Variants in CCL22 observed in about 807,000 individuals in gnomAD.
The protein encoded by CCL22 is C-C motif chemokine ligand 22.
CCL22 carries 7 observed loss-of-function variants against 7.6 expected under a neutral mutation model. That is an observed-to-expected ratio of 0.92 (90% CI 0.52 to 1.72). The LOEUF (loss-of-function observed/expected upper bound fraction) is 1.72. CCL22 is among the 40% of genes most tolerant of loss of function. CCL22 has a pLI of 0.00. For missense variants in CCL22, 115 were observed against 124.7 expected (o/e 0.92, Z 0.37); for synonymous variants, 55 against 47.2 (o/e 1.17, Z -0.68).
chr16:57,360,128 ACT>A (rs1466538708), intron 1 of CCL22, among the ~76,000 whole-genome samples: 2 of 152,170 alleles, frequency 1.3e-5, no homozygotes, highest in African/African-American at 4.8e-5. Flanking sequence ...TGAAGCTGGT[ACT>A]GTTATTACCC....
intron 1 of CCL22, among the ~76,000 whole-genome samples, chr16:57,359,293 T>C (rs1043497767): frequency 2.6e-5 from 4 of 151,950 alleles, no homozygotes; most frequent in African/African-American, 2.4e-5. Context: ...TTTTAAAATG[T>C]TATTATTATT....
At chr16:57,360,402 C>T in intron 1 of CCL22, 35 bp from the exon 2 acceptor site, 1 of 1,613,516 alleles carries the variant, frequency 6.2e-7, no homozygotes, top group Non-Finnish European at 8.5e-7. Context: ...TCTCTGGGCT[C>T]CAGCTTGTGA....
intron 2 of CCL22, among the ~76,000 whole-genome samples, chr16:57,362,995 T>C (rs1199504835): frequency 6.6e-6 from 1 of 151,678 alleles, no homozygotes; most frequent in African/African-American, 2.4e-5. Context: ...TGCCTCTTCC[T>C]CTTTTTTTTT....
rs1304743842 is a variant in CCL22 at position 57,363,576 on chromosome 16, G to A, written c.270G>A (p.Lys90=). Residue 90 remains lysine (K), a synonymous_variant, in exon 3 of 3, where the codon AAG becomes AAA. Coordinates refer to ENST00000219235, the MANE Select transcript of CCL22 (RefSeq NM_002990.5). ...RVPWVKMILN[K]LSQ The stretch of plus-strand genomic sequence containing the variant: ...CCTGGGTGAAGATGATTCTCAATAA[G>A]CTGAGCCAATGAAGAGCCTACTCTG... The A allele has an allele frequency of 6.2e-7, 1 of 1,612,506 alleles. No individual in the cohort carries two copies. Among genetic ancestry groups the A allele is most frequent in the East Asian group, 2.2e-5 (1 of 44,880 alleles).
chr16:57,362,844 G>A (rs1198336055), intron 2 of CCL22, among the ~76,000 whole-genome samples: 1 of 149,868 alleles, frequency 6.7e-6, no homozygotes, highest in East Asian at 2.0e-4. Context: ...CTGGGTGACA[G>A]AGACTCCATC....
chr16:57,358,358 A>G (rs1597989284), upstream of CCL22, among the ~76,000 whole-genome samples: 1 of 152,220 alleles, frequency 6.6e-6, no homozygotes, highest in African/African-American at 2.4e-5. Flanking sequence ...GCCGTCATTA[A>G]GGGTACAAGA....
rs1164819400 is a variant in CCL22 at position 57,360,417 on chromosome 16, A to G, written c.74-20A>G. The G allele has an allele frequency of 6.2e-7, 1 of 1,613,778 alleles. No homozygotes were observed. The highest frequency in any genetic ancestry group is 8.5e-7 in the Non-Finnish European group (1 of 1,179,916). On this transcript the variant is annotated intron_variant, in intron 1 of 2. Transcript: ENST00000219235. ...TCTCTGGGCTCCAGCTTGTGAATTC[A>G]CTGGGGACCCCTCCCCTAGGCCCCT...
At chr16:57,361,287 C>A (rs969583358) in intron 2 of CCL22, among the ~76,000 whole-genome samples, 1 of 148,810 alleles carries the variant, frequency 6.7e-6, no homozygotes, top group African/African-American at 2.5e-5. Context: ...AAAATGCTCA[C>A]ACCAGAAGTG....
At chr16:57,362,487 A>G (rs556615534) in intron 2 of CCL22, among the ~76,000 whole-genome samples, 51 of 152,182 alleles carry the variant, frequency 3.4e-4, no homozygotes, top group African/African-American at 1.2e-3. Context: ...ATCATATGTG[A>G]TCACTGGATT....
intron 2 of CCL22, among the ~76,000 whole-genome samples, chr16:57,363,275 G>A (rs1466765914): frequency 2.6e-5 from 4 of 152,158 alleles, no homozygotes; most frequent in Non-Finnish European, 2.9e-5. Flanking sequence ...GATTACAGGC[G>A]TGAACTCCTG....
rs377207783 is a variant in CCL22, at chr16:57,358,834, T to A, written c.18T>A (p.Thr6=). 3.1e-6 allele frequency: 5 copies of A among 1,613,740 alleles called. No individual in the cohort carries two copies. The African/African-American group carries it at 6.7e-5, about 22-fold the overall frequency. ...GACAGAGCATGGATCGCCTACAGAC[T>A]GCACTCCTGGTTGTCCTCGTCCTCC... The part of the protein sequence containing the change: MDRLQ[T]ALLVVLVLLA... The change falls in exon 1 of 3, where the codon ACT becomes ACA. Residue 6 remains threonine (T), a synonymous_variant. Coordinates refer to ENST00000219235, the MANE Select transcript of CCL22 (RefSeq NM_002990.5).
At chr16:57,362,864 A>AAAAAC (rs143319109) in intron 2 of CCL22, among the ~76,000 whole-genome samples, 1 of 150,976 alleles carries the variant, frequency 6.6e-6, no homozygotes, top group African/African-American at 2.4e-5. Context: ...CTCAAAAAAT[A>AAAAAC]AAAACAAAAC....
chr16:57,362,690 A>C (rs957196248), intron 2 of CCL22, among the ~76,000 whole-genome samples: 3 of 151,838 alleles, frequency 2.0e-5, no homozygotes, highest in South Asian at 2.1e-4. Flanking sequence ...GTGAAAACCT[A>C]TCTCTACTAA....
At position 57,358,870 on chromosome 16, in the gene CCL22, G is replaced by A. The variant is rs752077614; in HGVS notation, c.54G>A (p.Ala18=). 6.8e-6 allele frequency: 11 copies of A among 1,613,610 alleles called. No individual in the cohort carries two copies. The highest frequency in any genetic ancestry group is 2.2e-5 in the South Asian group (2 of 91,056). ...LLVVLVLLAV[A]LQATEAGPYG... ...TTGTCCTCGTCCTCCTTGCTGTGGC[G>A]CTTCAAGCAACTGAGGCAGGTGAGG... Residue 18 remains alanine, a synonymous_variant, in exon 1 of 3, where the codon GCG becomes GCA. Coordinates refer to ENST00000219235, the MANE Select transcript of CCL22 (RefSeq NM_002990.5).
chr16:57,362,082 G>A lies in CCL22; in HGVS notation c.198-1422G>A, dbSNP rs1028409826. ...ACAATCCTATGCAGTAGGTGCCATC[G>A]TGACCCCCTTTTCACAGGTGAGGAA... is the stretch of plus-strand genomic sequence containing the variant. On this transcript the variant is annotated intron_variant, in intron 2 of 2. Coordinates refer to ENST00000219235, the MANE Select transcript of CCL22 (RefSeq NM_002990.5). Among the ~76,000 whole-genome samples the A allele has an allele frequency of 5.3e-5, 8 of 152,084 alleles. No individual in the cohort carries two copies. In the South Asian group the frequency reaches 6.2e-4, roughly 12 times the overall value.
At chr16:57,362,905 A>G (rs1157948418) in intron 2 of CCL22, among the ~76,000 whole-genome samples, 1 of 151,536 alleles carries the variant, frequency 6.6e-6, no homozygotes, top group Admixed American at 6.6e-5. Context: ...ACAAAACCCA[A>G]CTCTTGGGGA....
In CCL22 at chr16:57,364,232, C is replaced by T. The variant is rs1902079885; in HGVS notation, c.*644C>T. On this transcript the variant is annotated 3_prime_UTR_variant, in exon 3 of 3. Transcript: ENST00000219235. ...TCCCCCACCTCTCCACTAGTTGGAC[C>T]AAGGTTTCTAGCTAAGTTACTCTAG... The T allele has an allele frequency of 6.5e-6, 1 of 152,788 alleles. No homozygotes were observed. Among genetic ancestry groups the T allele is most frequent in the South Asian group, 2.1e-4 (1 of 4,852 alleles). 9.5% of individuals were successfully genotyped at this position (152,788 alleles called of 1,614,324 possible).
rs1250581557 is a variant in CCL22, at chr16:57,366,024, C to G, written c.*2436C>G. 1 of 152,300 alleles carries G rather than the reference C, an allele frequency of 6.6e-6. No homozygotes were observed. The highest frequency in any genetic ancestry group is 1.9e-4 in the East Asian group (1 of 5,192). 9.4% of individuals were successfully genotyped at this position (152,300 alleles called of 1,614,324 possible). A position where few individuals can be genotyped will look rare whatever the true frequency, so the allele number is the denominator to read the frequency against. Reference sequence around the variant, plus strand: ...GCATCCAGCTCAGTGTCATCCAGGGCCTGTGTCCCTCCCGAACCCAGGGTC... The same window carrying G: ...GCATCCAGCTCAGTGTCATCCAGGGGCTGTGTCCCTCCCGAACCCAGGGTC... On this transcript the variant is annotated 3_prime_UTR_variant, in exon 3 of 3. Coordinates refer to ENST00000219235, the MANE Select transcript of CCL22 (RefSeq NM_002990.5).
intron 2 of CCL22, among the ~76,000 whole-genome samples, chr16:57,362,973 G>A (rs1265033071): frequency 6.6e-6 from 1 of 152,008 alleles, no homozygotes; most frequent in African/African-American, 2.4e-5. Context: ...TGAGGGTCCT[G>A]GAAGTCCTTG....
Sources: gnomAD v4.1 joint callset for allele counts (sites outside exome capture counted in the v4.1 genomes callset) on GRCh38, gnomAD v4.1.1 for gene constraint, MANE v1.5 for transcripts, NCBI Gene and HGNC (gene_info 2026-07-23, HGNC 2026-07-21) for gene names.